Variants in PLEKHG1 observed in about 807,000 individuals in gnomAD.
The protein encoded by PLEKHG1 is pleckstrin homology domain-containing family G member 1.
PLEKHG1 carries 44 observed loss-of-function variants against 100.8 expected under a neutral mutation model. That is an observed-to-expected ratio of 0.44 (90% confidence interval 0.34 to 0.56). The LOEUF is 0.56. PLEKHG1 is among the 20% of genes least tolerant of loss of function. PLEKHG1 has a pLI of 0.01. For missense variants in PLEKHG1, 1,545 were observed against 1,720.9 expected (o/e 0.90, Z 1.81); for synonymous variants, 640 against 662.5 (o/e 0.97, Z 0.52).
At chr6:150,807,883 C>T (rs189999485) in intron 7 of PLEKHG1, among the ~76,000 whole-genome samples, 21 of 152,166 alleles carry the variant, frequency 1.4e-4, no homozygotes, top group East Asian at 7.7e-4. Context: ...GCAGGAGAAT[C>T]GCTTGAACCC....
At position 150,643,365 on chromosome 6, in the gene PLEKHG1, C is replaced by T. The variant is rs149261801; in HGVS notation, c.-158+5240C>T. Among the ~76,000 whole-genome samples the T allele has an allele frequency of 6.9e-4, 105 of 152,248 alleles. 2 individuals carry two copies. In the East Asian group the frequency reaches 0.019, roughly 28 times the overall value. On this transcript the variant is annotated intron_variant, in intron 2 of 3. Coordinates refer to the PLEKHG1 transcript ENST00000367326. ...GGAAGTATCTGGTATCAGTGTAACA[C>T]ATCTTAATAATGTAGTAAGAACCTC...
intron 3 of PLEKHG1, among the ~76,000 whole-genome samples, chr6:150,682,945 T>A (rs150013234): frequency 6.6e-6 from 1 of 152,168 alleles, no homozygotes; most frequent in African/African-American, 2.4e-5. Context: ...GCCCCACCCT[T>A]ACCCCAAGAC....
intron 1 of PLEKHG1, among the ~76,000 whole-genome samples, chr6:150,614,054 G>T (rs1776960406): frequency 1.3e-5 from 2 of 152,154 alleles, no homozygotes; most frequent in African/African-American, 2.4e-5. Context: ...TGAATGAATG[G>T]GTTGTATTTG....
At chr6:150,666,163 A>G (rs1471099125) in intron 3 of PLEKHG1, among the ~76,000 whole-genome samples, 2 of 152,234 alleles carry the variant, frequency 1.3e-5, no homozygotes, top group African/African-American at 4.8e-5. Flanking sequence ...GTCAAGTTCT[A>G]TAAATATAAT....
chr6:150,827,626 C>T (rs1333347370), intron 14 of PLEKHG1: 16 of 775,776 alleles, frequency 2.1e-5, no homozygotes, highest in Non-Finnish European at 3.3e-5. Context: ...GATACTTCAG[C>T]GGCACAGCTG....
Position 150,839,985 on chromosome 6 carries a change from TG to T in PLEKHG1, c.3249del (p.Trp1083CysfsTer12). On this transcript the variant is annotated frameshift_variant, in exon 16 of 16. Transcript: ENST00000358517. LOFTEE classifies it low-confidence loss of function (END_TRUNC). ...CCAGGTCCACCATGGTAGTGGAGAC[TG>T]GCTTCTGCATTCAACCTATAGTAAT... is the stretch of plus-strand genomic sequence containing the variant. The T allele has an allele frequency of 6.2e-7, 1 of 1,614,168 alleles. No homozygotes were observed.
At chr6:150,795,648 G>A (rs1468246044) in intron 4 of PLEKHG1, among the ~76,000 whole-genome samples, 1 of 151,620 alleles carries the variant, frequency 6.6e-6, no homozygotes, top group Non-Finnish European at 1.5e-5. Context: ...CTTGAACCGG[G>A]GAGGCGGAGG....
chr6:150,750,806 C>T (rs1241201292), intron 2 of PLEKHG1, among the ~76,000 whole-genome samples: 1 of 142,538 alleles, frequency 7.0e-6, no homozygotes, highest in Non-Finnish European at 1.5e-5. Context: ...AAAAAAAAGG[C>T]GGCACAAATT....
intron 3 of PLEKHG1, among the ~76,000 whole-genome samples, chr6:150,672,833 G>A (rs1779624014): frequency 6.6e-6 from 1 of 152,142 alleles, no homozygotes; most frequent in Non-Finnish European, 1.5e-5. Context: ...CAGTATTTCT[G>A]CAGGTAGACT....
intron 7 of PLEKHG1, among the ~76,000 whole-genome samples, chr6:150,808,321 G>A (rs1481962629): frequency 1.3e-5 from 2 of 152,144 alleles, no homozygotes; most frequent in African/African-American, 2.4e-5. Flanking sequence ...CTGAGAAAAT[G>A]ATGTGGGTGA....
At chr6:150,743,858 C>G (rs1414834744) in intron 2 of PLEKHG1, among the ~76,000 whole-genome samples, 2 of 152,082 alleles carry the variant, frequency 1.3e-5, no homozygotes, top group East Asian at 3.9e-4. Context: ...TGGGTCTAGC[C>G]TAGTTCAAAG....
intron 14 of PLEKHG1, among the ~76,000 whole-genome samples, chr6:150,826,795 A>G (rs1382039125): frequency 6.6e-6 from 1 of 151,992 alleles, no homozygotes; most frequent in East Asian, 1.9e-4. Context: ...GTCATGCGCC[A>G]CCACGCCCGG....
intron 2 of PLEKHG1, among the ~76,000 whole-genome samples, chr6:150,640,009 T>C (rs1335945062): frequency 6.6e-6 from 1 of 152,226 alleles, no homozygotes; most frequent in Non-Finnish European, 1.5e-5. Flanking sequence ...GTGAAATGAC[T>C]CCTCCAAGTC....
chr6:150,689,320 A>G (rs1780256116), intron 3 of PLEKHG1, among the ~76,000 whole-genome samples: 1 of 152,204 alleles, frequency 6.6e-6, no homozygotes, highest in Non-Finnish European at 1.5e-5. Flanking sequence ...AAATCCTTTA[A>G]GTATTTTTCA....
intron 14 of PLEKHG1, among the ~76,000 whole-genome samples, chr6:150,824,371 TTAATGTTCTGTATC>T (rs1256182099): frequency 6.6e-6 from 1 of 152,180 alleles, no homozygotes; most frequent in Non-Finnish European, 1.5e-5. Flanking sequence ...GGCTCCTTGT[TTAATGTTCTGTATC>T]TAGAAGAATA....
At chr6:150,736,525 T>A (rs958628736) in intron 2 of PLEKHG1, among the ~76,000 whole-genome samples, 2 of 152,146 alleles carry the variant, frequency 1.3e-5, no homozygotes, top group African/African-American at 4.8e-5. Flanking sequence ...TCCCAGCACT[T>A]TGGGAGGCCG....
chr6:150,819,887 C>T, intron 12 of PLEKHG1, 113 bp downstream of exon 13: 2 of 722,652 alleles, frequency 2.8e-6, no homozygotes, highest in Non-Finnish European at 5.1e-6. Flanking sequence ...CACTGCCGGT[C>T]TGAATACATT....
upstream of PLEKHG1, among the ~76,000 whole-genome samples, chr6:150,718,925 T>A (rs1781548384): frequency 6.6e-6 from 1 of 152,152 alleles, no homozygotes; most frequent in Non-Finnish European, 1.5e-5. Context: ...GTGTGTGTAT[T>A]CCCTGCTCTG....
intron 1 of PLEKHG1, among the ~76,000 whole-genome samples, chr6:150,728,276 T>A (rs1046434758): frequency 2.0e-5 from 3 of 152,244 alleles, no homozygotes; most frequent in Non-Finnish European, 4.4e-5. Context: ...TGTAATTTTT[T>A]ATTTTCTAGT....
Sources: allele counts gnomAD v4.1 joint callset (sites outside exome capture counted in the v4.1 genomes callset), GRCh38; gene constraint gnomAD v4.1.1; transcripts MANE v1.5; gene names NCBI Gene and HGNC (gene_info 2026-07-23, HGNC 2026-07-21).